SHANK2: variants seen among roughly 807,000 people sequenced by gnomAD.
SHANK2 encodes SH3 and multiple ankyrin repeat domains 2, also known as SH3 and multiple ankyrin repeat domains protein 2.
Under a neutral mutation model 133.7 loss-of-function variants are expected in SHANK2, and 43 were observed. The ratio of observed to expected loss-of-function variants is 0.32; its 90% confidence interval spans 0.25 to 0.41. The LOEUF is 0.41. Among genes scored for constraint, SHANK2 ranks in the 10% least tolerant of loss-of-function variants. SHANK2 has a pLI of 1.00. For missense variants in SHANK2, 1,994 were observed against 2,235.8 expected (o/e 0.89, Z 2.18); for synonymous variants, 1,017 against 952.8 (o/e 1.07, Z -1.24).
At chr11:71,168,230 G>A (rs868982201) in intron 2 of SHANK2, among the ~76,000 whole-genome samples, 2 of 134,988 alleles carry the variant, frequency 1.5e-5, no homozygotes, top group East Asian at 2.0e-4. Flanking sequence ...GACGATGGGC[G>A]GCTGGGCAGA....
intron 6 of SHANK2, among the ~76,000 whole-genome samples, chr11:71,109,635 C>T (rs2135216122): frequency 6.6e-6 from 1 of 152,296 alleles, no homozygotes; most frequent in East Asian, 1.9e-4. Context: ...ATCTGTGTGC[C>T]CAAGGCTGGC....
chr11:70,883,584 C>A (rs549689993), intron 11 of SHANK2, among the ~76,000 whole-genome samples: 11 of 152,268 alleles, frequency 7.2e-5, no homozygotes, highest in African/African-American at 2.6e-4. Flanking sequence ...GGAAAGGGGG[C>A]AGAGGCCACA....
chr11:70,913,296 AC>A (rs139249819), intron 10 of SHANK2, among the ~76,000 whole-genome samples: 3,380 of 152,146 alleles, frequency 0.022, 70 homozygotes, highest in Non-Finnish European at 0.03. Flanking sequence ...GACAACTTGG[AC>A]CCTTCAGGGA....
Position 70,699,399 on chromosome 11 carries a change from G to GA in SHANK2, c.1778-637dup, listed in dbSNP as rs1297318361. 5.3e-5 allele frequency among the ~76,000 whole-genome samples: 8 copies of GA among 151,828 alleles called. 1 individual carries two copies. Among genetic ancestry groups the GA allele is most frequent in the South Asian group, 2.1e-4 (1 of 4,786 alleles). ...AATGGATAGCTCAGTGCTGGAGGGA[G>GA]AAAAAAAACACACACACAACAAAAA... is the stretch of plus-strand genomic sequence containing the variant. On this transcript the variant is annotated intron_variant, in intron 14 of 25. Transcript: ENST00000601538.
chr11:70,799,085 C>T (rs1947986579), intron 13 of SHANK2, among the ~76,000 whole-genome samples: 1 of 152,170 alleles, frequency 6.6e-6, no homozygotes, highest in Non-Finnish European at 1.5e-5. Flanking sequence ...ATCTTCTAAA[C>T]AAGCGTGCGG....
At chr11:70,729,262 G>A (rs1467675267) in intron 14 of SHANK2, among the ~76,000 whole-genome samples, 8 of 151,006 alleles carry the variant, frequency 5.3e-5, no homozygotes, top group African/African-American at 1.7e-4. Flanking sequence ...ACACAGATGC[G>A]TCTCAGGAAC....
chr11:71,222,828 T>C (rs1428576451), intron 2 of SHANK2, among the ~76,000 whole-genome samples: 7 of 152,238 alleles, frequency 4.6e-5, no homozygotes, highest in African/African-American at 1.7e-4. Flanking sequence ...ATATGCATCC[T>C]TGTGACACCT....
chr11:70,661,808 G>A (rs782656715), intron 15 of SHANK2, 130 bp from the exon 16 acceptor site: 2 of 1,611,804 alleles, frequency 1.2e-6, no homozygotes, highest in South Asian at 1.1e-5. Context: ...CAGGCAGCAT[G>A]GAGGAAAGGA....
Position 71,201,217 on chromosome 11 carries a change from C to T in SHANK2, c.-13+23480G>A, listed in dbSNP as rs1160817472. Among the ~76,000 whole-genome samples the T allele has an allele frequency of 2.0e-5, 3 of 152,182 alleles. No homozygotes were observed. The East Asian group carries it at 5.8e-4, about 29-fold the overall frequency. ...TTCCTTCTCCACAGCAACCACGTGCCCTCCCCCATATTCCAACTTGACAAA... is the reference window on the plus strand; with the variant it reads ...TTCCTTCTCCACAGCAACCACGTGCTCTCCCCCATATTCCAACTTGACAAA... On this transcript the variant is annotated intron_variant, in intron 2 of 25. Transcript: ENST00000601538.
chr11:70,531,878 G>C (rs1193722732), intron 17 of SHANK2, among the ~76,000 whole-genome samples: 1 of 152,148 alleles, frequency 6.6e-6, no homozygotes, highest in African/African-American at 2.4e-5. Flanking sequence ...TCGCAGCTCT[G>C]GGTGCTGGGG....
chr11:70,629,405 G>A (rs1228544383), intron 17 of SHANK2, among the ~76,000 whole-genome samples: 1 of 152,228 alleles, frequency 6.6e-6, no homozygotes, highest in Non-Finnish European at 1.5e-5. Context: ...AGAATAGAGT[G>A]TGGCTCTGCT....
At chr11:70,824,770 G>A (rs1050613914) in intron 11 of SHANK2, among the ~76,000 whole-genome samples, 7 of 152,226 alleles carry the variant, frequency 4.6e-5, no homozygotes, top group Non-Finnish European at 8.8e-5. Context: ...GGCCCAGAGG[G>A]CTTCCGGGTG....
chr11:70,806,488 T>C (rs1285934675), intron 13 of SHANK2, among the ~76,000 whole-genome samples: 1 of 152,194 alleles, frequency 6.6e-6, no homozygotes, highest in Non-Finnish European at 1.5e-5. Flanking sequence ...TAACCCCTTC[T>C]TGACCTGGTG....
Position 70,949,575 on chromosome 11 carries a change from G to T in SHANK2, c.1108-53008C>A, listed in dbSNP as rs541128026. ...GCATAGCCACCCAGGAACCCACAGG[G>T]TGACCTGGGCTCCAGACTAGGGCAC... On this transcript the variant is annotated intron_variant, in intron 10 of 25. Coordinates refer to ENST00000601538, the MANE Select transcript of SHANK2 (RefSeq NM_012309.5). Among the ~76,000 whole-genome samples, 700 of 152,346 alleles carry T rather than the reference G, an allele frequency of 4.6e-3. 3 individuals are homozygous for T. Among genetic ancestry groups the T allele is most frequent in the Non-Finnish European group, 5.9e-3 (400 of 68,040 alleles).
At chr11:70,667,458 C>A (rs1314617825) in intron 15 of SHANK2, among the ~76,000 whole-genome samples, 1 of 152,134 alleles carries the variant, frequency 6.6e-6, no homozygotes, top group African/African-American at 2.4e-5. Context: ...AGAGGTCTCT[C>A]CCCGCTGGCA....
intron 6 of SHANK2, among the ~76,000 whole-genome samples, chr11:71,105,667 C>T (rs117481384): frequency 0.012 from 1,817 of 150,886 alleles, 12 homozygotes; most frequent in East Asian, 0.02. Flanking sequence ...CACAGAGGAG[C>T]TCTCGGGCAG....
chr11:70,823,746 G>A (rs1275966848), intron 11 of SHANK2, among the ~76,000 whole-genome samples: 18 of 147,372 alleles, frequency 1.2e-4, no homozygotes, highest in African/African-American at 3.8e-4. Flanking sequence ...CAGAGGTGGC[G>A]TTGGCAGCGT....
chr11:70,888,646 A>G (rs374056512), intron 11 of SHANK2, among the ~76,000 whole-genome samples: 1 of 151,932 alleles, frequency 6.6e-6, no homozygotes, highest in African/African-American at 2.4e-5. Context: ...GTGAAACCCC[A>G]TCTCTACTAA....
At chr11:70,738,225 T>G (rs1004291889) in intron 14 of SHANK2, among the ~76,000 whole-genome samples, 1 of 152,254 alleles carries the variant, frequency 6.6e-6, no homozygotes, top group African/African-American at 2.4e-5. Context: ...AGAGACCTGG[T>G]AGATGCTCGA....
Sources: allele counts gnomAD v4.1 joint callset (sites outside exome capture counted in the v4.1 genomes callset), GRCh38; gene constraint gnomAD v4.1.1; transcripts MANE v1.5; gene names NCBI Gene and HGNC (gene_info 2026-07-23, HGNC 2026-07-21).